CNOT2: variants seen among roughly 807,000 people sequenced by gnomAD.
CNOT2 encodes the protein CCR4-NOT transcription complex subunit 2.
CNOT2 carries 7 observed loss-of-function variants against 72.1 expected under a neutral mutation model. The observed-to-expected ratio is 0.10, with a 90% confidence interval of 0.06 to 0.18. The LOEUF is 0.18. Among genes scored for constraint, CNOT2 ranks in the 10% least tolerant of loss-of-function variants. The pLI is 1.00. For missense variants in CNOT2, 345 were observed against 660.3 expected, an observed-to-expected ratio of 0.52 and a Z score of 5.23; for synonymous variants, 196 against 225.6, an observed-to-expected ratio of 0.87 and a Z score of 1.17.
At chr12:70,255,407 AACTT>A (rs1958389030) in intron 1 of CNOT2, among the ~76,000 whole-genome samples, 1 of 152,176 alleles carries the variant, frequency 6.6e-6, no homozygotes, top group Non-Finnish European at 1.5e-5. Context: ...GTGTATGAAT[AACTT>A]ACGCTGTTCT....
intron 2 of CNOT2, among the ~76,000 whole-genome samples, chr12:70,288,128 G>C (rs1437688407): frequency 3.6e-5 from 5 of 140,368 alleles, no homozygotes; most frequent in Non-Finnish European, 6.1e-5. Flanking sequence ...TACAATTATG[G>C]TGTAGCTCTT....
chr12:70,288,668 T>C (rs558363775), intron 2 of CNOT2, among the ~76,000 whole-genome samples: 1 of 152,326 alleles, frequency 6.6e-6, no homozygotes, highest in East Asian at 1.9e-4. Flanking sequence ...CTGAGAATAA[T>C]GTCTGGCATG....
intron 2 of CNOT2, among the ~76,000 whole-genome samples, chr12:70,304,297 G>GC (rs1377427611): frequency 4.6e-5 from 7 of 152,004 alleles, no homozygotes; most frequent in Admixed American, 1.3e-4. Context: ...AGAGTTTCCA[G>GC]TTTTTCTGCT....
intron 2 of CNOT2, among the ~76,000 whole-genome samples, chr12:70,282,121 TAAATA>T (rs1869974798): frequency 6.6e-6 from 1 of 152,114 alleles, no homozygotes; most frequent in Non-Finnish European, 1.5e-5. Flanking sequence ...CCAATAAAAT[TAAATA>T]AAACAGTGAA....
At chr12:70,280,227 A>G (rs1869590131) in intron 2 of CNOT2, among the ~76,000 whole-genome samples, 1 of 152,168 alleles carries the variant, frequency 6.6e-6, no homozygotes, top group Non-Finnish European at 1.5e-5. Flanking sequence ...AAATAAAATA[A>G]TTTTACAATC....
chr12:70,302,648 C>A (rs79057446), intron 2 of CNOT2, among the ~76,000 whole-genome samples: 3 of 143,262 alleles, frequency 2.1e-5, no homozygotes, highest in Admixed American at 7.0e-5. Context: ...ATGTGGTCAA[C>A]TTTGGAATAG....
intron 3 of CNOT2, among the ~76,000 whole-genome samples, chr12:70,317,811 A>G (rs2135979770): frequency 6.6e-6 from 1 of 151,944 alleles, no homozygotes; most frequent in South Asian, 2.1e-4. Context: ...AATAGTATGA[A>G]ATGTATATTG....
At chr12:70,284,067 G>A (rs1369756611) in intron 2 of CNOT2, among the ~76,000 whole-genome samples, 1 of 149,910 alleles carries the variant, frequency 6.7e-6, no homozygotes, top group African/African-American at 2.5e-5. Flanking sequence ...TCAGCCTCCT[G>A]AGTAGCTGGG....
chr12:70,324,510 AT>A (rs759549374), intron 4 of CNOT2, among the ~76,000 whole-genome samples: 6 of 151,766 alleles, frequency 4.0e-5, no homozygotes, highest in Non-Finnish European at 5.9e-5. Flanking sequence ...ATCAAGAATG[AT>A]TTCTAAGGTT....
rs1418611256 is a variant in CNOT2 at position 70,318,368 on chromosome 12, CT to C, written c.172-927del. Among the ~76,000 whole-genome samples, 3 of 151,656 alleles carry C rather than the reference CT, an allele frequency of 2.0e-5. No individual in the cohort carries two copies. The East Asian group carries it at 5.8e-4, about 29-fold the overall frequency. On this transcript the variant is annotated intron_variant, in intron 3 of 15. Transcript: ENST00000229195. ...TATGTTCTCTAATAATATTACAAATCTTTATTTTTTTTAACAACTGGATACT... is the reference window on the plus strand; with the variant it reads ...TATGTTCTCTAATAATATTACAAATCTTATTTTTTTTAACAACTGGATACT...
At chr12:70,274,534 A>G (rs1304765004) in intron 1 of CNOT2, among the ~76,000 whole-genome samples, 1 of 152,072 alleles carries the variant, frequency 6.6e-6, no homozygotes, top group African/African-American at 2.4e-5. Flanking sequence ...GATATTTTAG[A>G]TACTATTTTC....
intron 2 of CNOT2, among the ~76,000 whole-genome samples, chr12:70,299,767 T>G (rs1037992750): frequency 2.6e-5 from 4 of 152,154 alleles, no homozygotes; most frequent in African/African-American, 7.2e-5. Context: ...TCAAATGGTA[T>G]TTCTAGTTCT....
intron 11 of CNOT2, among the ~76,000 whole-genome samples, chr12:70,340,935 G>GC (rs1166909760): frequency 8.4e-6 from 1 of 119,458 alleles, no homozygotes; most frequent in Non-Finnish European, 1.6e-5. Flanking sequence ...TGCTCTTGTC[G>GC]CCCAGGCTGG....
chr12:70,306,720 A>G (rs918765568), intron 2 of CNOT2, among the ~76,000 whole-genome samples: 1 of 152,202 alleles, frequency 6.6e-6, no homozygotes, highest in Non-Finnish European at 1.5e-5. Context: ...CAAATTGTAC[A>G]CACCAAAGAT....
chr12:70,322,287 A>C (rs1285706254), intron 4 of CNOT2: 1 of 151,860 alleles, frequency 6.6e-6, no homozygotes, highest in African/African-American at 2.4e-5. Context: ...GATCAGTGGC[A>C]TTAAGTGAAG....
intron 2 of CNOT2, among the ~76,000 whole-genome samples, chr12:70,308,555 TTC>T (rs3049213): frequency 0.26 from 34,366 of 133,398 alleles, 4,393 homozygotes; most frequent in Non-Finnish European, 0.33. Flanking sequence ...TTGGTATATT[TTC>T]TCTCTCTCTC....
chr12:70,273,340 A>G (rs1273165793), intron 1 of CNOT2, among the ~76,000 whole-genome samples: 2 of 152,098 alleles, frequency 1.3e-5, no homozygotes, highest in African/African-American at 4.8e-5. Flanking sequence ...CAGCATTTTG[A>G]AACAGTTGAT....
intron 1 of CNOT2, among the ~76,000 whole-genome samples, chr12:70,269,373 G>T (rs576149317): frequency 3.2e-4 from 48 of 151,696 alleles, no homozygotes; most frequent in African/African-American, 1.0e-3. Context: ...TCATCCAGAG[G>T]TTATTAATAT....
chr12:70,265,403 G>T (rs1048350165), intron 1 of CNOT2, among the ~76,000 whole-genome samples: 12 of 150,898 alleles, frequency 8.0e-5, no homozygotes, highest in African/African-American at 2.7e-4. Flanking sequence ...CAGGTTTTTT[G>T]AGGAATAGGT....
Sources: allele counts gnomAD v4.1 joint callset (sites outside exome capture counted in the v4.1 genomes callset), GRCh38; gene constraint gnomAD v4.1.1; transcripts MANE v1.5; gene names NCBI Gene and HGNC (gene_info 2026-07-23, HGNC 2026-07-21).